Variants in RUSC2 observed in about 807,000 individuals in gnomAD.
RUSC2 encodes the protein RUN and SH3 domain containing 2.
In RUSC2, 34 loss-of-function variants were observed where a neutral mutation model predicts 122.2. The observed-to-expected ratio is 0.28, with a 90% CI of 0.21 to 0.37. The LOEUF (loss-of-function observed/expected upper bound fraction) is 0.37, where lower values mean the gene tolerates loss of function less well. Ranked by LOEUF, RUSC2 falls within the 10% of genes least tolerant of loss-of-function variation. The pLI, the probability that RUSC2 is intolerant of heterozygous loss-of-function variation, is 1.00. For synonymous variants in RUSC2, 784 were observed against 790.0 expected (o/e 0.99, Z 0.13); for missense variants, 1,747 against 1,952.4 (o/e 0.89, Z 1.98).
At chr9:35,534,687 T>C (rs1821488918) in intron 1 of RUSC2, among the ~76,000 whole-genome samples, 1 of 152,158 alleles carries the variant, frequency 6.6e-6, no homozygotes, top group South Asian at 2.1e-4. Flanking sequence ...TTTGCCATGT[T>C]GGCCAGGCTG....
intron 2 of RUSC2, among the ~76,000 whole-genome samples, chr9:35,553,007 G>A (rs1424801512): frequency 1.3e-5 from 2 of 152,164 alleles, no homozygotes; most frequent in Admixed American, 6.5e-5. Flanking sequence ...TAATGCTGTG[G>A]TTGGGATGAC....
chr9:35,561,131 C>CG lies in RUSC2; in HGVS notation c.4349+40dup, dbSNP rs781008143. 11 of 1,613,028 alleles carry CG rather than the reference C, an allele frequency of 6.8e-6. No individual in the cohort carries two copies. In the East Asian group the frequency reaches 8.9e-5, roughly 13 times the overall value. On this transcript the variant is annotated intron_variant, in intron 11 of 11. Coordinates refer to ENST00000361226, the MANE Select transcript of RUSC2 (RefSeq NM_014806.5). ...GGGGAAACGGAAGGGCTGAGGGGGG[C>CG]GGGGGGCTTTTGAGGGGGTTTCTCT...
intron 1 of RUSC2, among the ~76,000 whole-genome samples, chr9:35,511,737 G>C (rs771027641): frequency 1.3e-5 from 2 of 152,180 alleles, no homozygotes; most frequent in African/African-American, 2.4e-5. Flanking sequence ...GAAGGAAATA[G>C]AAAGTGTATA....
intron 1 of RUSC2, among the ~76,000 whole-genome samples, chr9:35,514,583 T>C (rs1005368131): frequency 6.6e-6 from 1 of 152,192 alleles, no homozygotes; most frequent in East Asian, 1.9e-4. Flanking sequence ...GGTTGCTCTT[T>C]AGTAGCAGTA....
chr9:35,508,947 A>G (rs954319768), intron 1 of RUSC2, among the ~76,000 whole-genome samples: 2 of 152,224 alleles, frequency 1.3e-5, no homozygotes, highest in African/African-American at 2.4e-5. Flanking sequence ...AATAGCACCA[A>G]CATAACTTAT....
In RUSC2 at chr9:35,558,186, C is replaced by T; in HGVS notation, c.3061-11C>T. The stretch of plus-strand genomic sequence containing the variant: ...GAGGGGGTTTCCTGCACTTCCCTAC[C>T]ACACCTACAGGCAAAGCTGGGAAAC... On this transcript the variant is annotated splice_polypyrimidine_tract_variant and intron_variant, in intron 6 of 11. Coordinates refer to ENST00000361226, the MANE Select transcript of RUSC2 (RefSeq NM_014806.5). The surrounding 1 kb of genome is among the most constrained non-coding windows in gnomAD (Gnocchi z 4.3). 1 of 1,610,608 alleles carries T rather than the reference C, an allele frequency of 6.2e-7. No individual in the cohort carries two copies. Among genetic ancestry groups the T allele is most frequent in the Non-Finnish European group, 8.5e-7 (1 of 1,178,810 alleles).
intron 1 of RUSC2, among the ~76,000 whole-genome samples, chr9:35,543,743 A>G (rs1478959326): frequency 6.6e-6 from 1 of 152,202 alleles, no homozygotes; most frequent in Non-Finnish European, 1.5e-5. Flanking sequence ...TGCTGGGATT[A>G]CAGGCATGAG....
chr9:35,514,453 G>T (rs1376469647), intron 1 of RUSC2, among the ~76,000 whole-genome samples: 2 of 152,160 alleles, frequency 1.3e-5, no homozygotes, highest in Non-Finnish European at 2.9e-5. Context: ...GAAAGCCTTC[G>T]AAGGGTTTTT....
In RUSC2 at chr9:35,559,947, C is replaced by T. The variant is rs574752584; in HGVS notation, c.3389-82C>T. 10 of 1,197,874 alleles carry T rather than the reference C, an allele frequency of 8.3e-6. No homozygotes were observed. In the Admixed American group the frequency reaches 2.2e-4, roughly 27 times the overall value. The allele number at this position is 1,197,874 out of a possible 1,614,324, so 74.2% of individuals were successfully genotyped here. A position where few individuals can be genotyped will look rare whatever the true frequency, so the allele number is the denominator to read the frequency against. On this transcript the variant is annotated intron_variant, in intron 9 of 11. Coordinates refer to ENST00000361226, the MANE Select transcript of RUSC2 (RefSeq NM_014806.5). The stretch of plus-strand genomic sequence containing the variant: ...GCCTGCACCGCTGTCTGCAGCAGCT[C>T]TGCCCAGACTGTCTTTCAAAGTCCC...
intron 1 of RUSC2, among the ~76,000 whole-genome samples, chr9:35,540,879 A>C (rs1821630234): frequency 6.6e-6 from 1 of 152,196 alleles, no homozygotes; most frequent in African/African-American, 2.4e-5. Flanking sequence ...CCCATCTCAG[A>C]TGTGTAAATG....
intron 1 of RUSC2, among the ~76,000 whole-genome samples, chr9:35,531,156 G>A (rs900606279): frequency 2.0e-5 from 3 of 152,070 alleles, no homozygotes; most frequent in African/African-American, 7.2e-5. Context: ...AGCTACTCGG[G>A]AGGCTGAGGC....
intron 1 of RUSC2, among the ~76,000 whole-genome samples, chr9:35,506,084 ATCT>A (rs1325248289): frequency 6.6e-6 from 1 of 152,222 alleles, no homozygotes; most frequent in Non-Finnish European, 1.5e-5. Flanking sequence ...GTATATAGAA[ATCT>A]TAAGGAATCC....
intron 1 of RUSC2, among the ~76,000 whole-genome samples, chr9:35,539,797 CA>C (rs1821607393): frequency 6.6e-6 from 1 of 152,142 alleles, no homozygotes; most frequent in African/African-American, 2.4e-5. Flanking sequence ...CTAACACTCC[CA>C]AATCTACCCT....
intron 1 of RUSC2, among the ~76,000 whole-genome samples, chr9:35,493,503 TTTTA>T (rs1820609888): frequency 1.3e-5 from 2 of 152,032 alleles, no homozygotes; most frequent in African/African-American, 2.4e-5. Flanking sequence ...CTCCTTTTAT[TTTTA>T]TTTATTTATT....
intron 1 of RUSC2, among the ~76,000 whole-genome samples, chr9:35,513,550 T>A (rs1418108414): frequency 4.0e-5 from 6 of 151,652 alleles, no homozygotes; most frequent in Non-Finnish European, 8.8e-5. Context: ...ACCTGAGAGT[T>A]GTACTTTGTA....
At chr9:35,529,970 G>C (rs1242938567) in intron 1 of RUSC2, among the ~76,000 whole-genome samples, 1 of 152,008 alleles carries the variant, frequency 6.6e-6, no homozygotes, top group Non-Finnish European at 1.5e-5. Flanking sequence ...GTTTGTTTTT[G>C]AGACTGGGCC....
chr9:35,537,949 T>A (rs578010454), intron 1 of RUSC2, among the ~76,000 whole-genome samples: 1 of 152,264 alleles, frequency 6.6e-6, no homozygotes, highest in Non-Finnish European at 1.5e-5. Context: ...TTTTCCTTAT[T>A]CCCACAGAAT....
At chr9:35,551,354 G>A (rs768682290) in intron 2 of RUSC2, among the ~76,000 whole-genome samples, 2 of 152,158 alleles carry the variant, frequency 1.3e-5, no homozygotes, top group Non-Finnish European at 2.9e-5. Flanking sequence ...TAATATCTGT[G>A]CTGTCAGGGA....
chr9:35,531,895 G>A (rs1422939357), intron 1 of RUSC2, among the ~76,000 whole-genome samples: 3 of 152,198 alleles, frequency 2.0e-5, no homozygotes, highest in Middle Eastern at 3.4e-3. Flanking sequence ...GCGTGGTGGC[G>A]GGCGCCTGTA....
Sources: gnomAD v4.1 joint callset for allele counts (sites outside exome capture counted in the v4.1 genomes callset) on GRCh38, gnomAD v4.1.1 for gene constraint, Gnocchi (gnomAD v3.1) non-coding constraint, MANE v1.5 for transcripts, NCBI Gene and HGNC (gene_info 2026-07-23, HGNC 2026-07-21) for gene names.